Variants in SPAG17 observed in about 807,000 individuals in gnomAD.
The protein encoded by SPAG17 is sperm associated antigen 17.
A neutral mutation model predicts 273.6 loss-of-function variants in SPAG17; 169 were observed. The observed-to-expected ratio is 0.62, with a 90% CI of 0.55 to 0.70. The LOEUF (loss-of-function observed/expected upper bound fraction) is 0.70, where lower values mean the gene tolerates loss of function less well. Among genes scored for constraint, SPAG17 ranks in the 30% least tolerant of loss-of-function variants. The probability of loss-of-function intolerance (pLI) is 0.00; values close to 1 mark genes in which losing one functional copy is unlikely to be tolerated. For missense variants in SPAG17, 2,557 were observed against 2,627.8 expected, an observed-to-expected ratio of 0.97 and a Z score of 0.59; for synonymous variants, 825 against 873.2, an observed-to-expected ratio of 0.94 and a Z score of 0.97.
chr1:118,139,450 T>C (rs1658547535), intron 3 of SPAG17, among the ~76,000 whole-genome samples: 1 of 152,178 alleles, frequency 6.6e-6, no homozygotes, highest in South Asian at 2.1e-4. Context: ...GATCCAGCAA[T>C]CTCACTTCTG....
chr1:118,157,574 C>T (rs1659715884), intron 1 of SPAG17, among the ~76,000 whole-genome samples: 1 of 152,140 alleles, frequency 6.6e-6, no homozygotes, highest in African/African-American at 2.4e-5. Flanking sequence ...CTGGGAGATC[C>T]CTAAGCACCC....
intron 34 of SPAG17, 149 bp downstream of exon 34, chr1:117,996,221 G>T: frequency 2.4e-6 from 2 of 840,016 alleles, no homozygotes; most frequent in Admixed American, 2.6e-5. Flanking sequence ...ACTTATTCAT[G>T]TCAACTTATT....
chr1:118,016,103 T>A lies in SPAG17; in HGVS notation c.4149A>T (p.Val1383=), dbSNP rs761418198. 1 of 1,614,122 alleles carries A rather than the reference T, an allele frequency of 6.2e-7. No homozygotes were observed. Among genetic ancestry groups the A allele is most frequent in the South Asian group, 1.1e-5 (1 of 91,088 alleles). The change falls in exon 29 of 49, where the codon GTA becomes GTT. Residue 1383 remains valine, a synonymous_variant. Coordinates refer to ENST00000336338, the MANE Select transcript of SPAG17 (RefSeq NM_206996.4). The part of the protein sequence containing the change: ...HDPPPEAVQT[V]TPVEVHIGTW... ...TGCCTATGTGAACCTCCACAGGAGT[T>A]ACAGTTTGAACTGCCTCTGGAGGAG...
intron 1 of SPAG17, among the ~76,000 whole-genome samples, chr1:118,174,504 TAGATGCATATGGAAATCCC>T (rs1357942376): frequency 6.6e-6 from 1 of 152,142 alleles, no homozygotes; most frequent in Non-Finnish European, 1.5e-5. Flanking sequence ...GGCAGACCAG[TAGATGCATATGGAAATCCC>T]AGAAAGATAA....
intron 1 of SPAG17, among the ~76,000 whole-genome samples, chr1:118,161,424 T>TA (rs1659903413): frequency 6.6e-6 from 1 of 152,184 alleles, no homozygotes; most frequent in African/African-American, 2.4e-5. Flanking sequence ...GGAGGGAAGA[T>TA]AAAATTGTGG....
At chr1:118,002,281 G>A (rs1300154695) in intron 32 of SPAG17, among the ~76,000 whole-genome samples, 1 of 152,158 alleles carries the variant, frequency 6.6e-6, no homozygotes, top group Non-Finnish European at 1.5e-5. Context: ...ATGTGGTGCT[G>A]AGAAGAATGT....
Position 118,115,239 on chromosome 1 carries a change from C to G in SPAG17, c.447+71G>C, listed in dbSNP as rs534346415. On this transcript the variant is annotated intron_variant, in intron 4 of 48. Transcript: ENST00000336338. ...GTAGGCTTAAGAAGAGAGGAAGTGC[C>G]CCTGGAGAAACCTGGCTCCATTTCA... 1.4e-3 allele frequency: 2,145 copies of G among 1,560,298 alleles called. 31 individuals carry two copies. The highest frequency in any genetic ancestry group is 6.8e-3 in the Middle Eastern group (40 of 5,894).
Position 117,975,304 on chromosome 1 carries a change from CCACAGTCA to C in SPAG17, c.6005-1751_6005-1744del, listed in dbSNP as rs534848366. On this transcript the variant is annotated intron_variant, in intron 43 of 48. Coordinates refer to ENST00000336338, the MANE Select transcript of SPAG17 (RefSeq NM_206996.4). ...GAAGCCAAATGCCCCTGGGCTAGCA[CCACAGTCA>C]CACAGCCACTATTCTGTGGTTTGCT... Among the ~76,000 whole-genome samples, 26 of 152,292 alleles carry C rather than the reference CCACAGTCA, an allele frequency of 1.7e-4. 2 individuals carry two copies. The East Asian group carries it at 5.0e-3, about 29-fold the overall frequency.
intron 43 of SPAG17, 78 bp from the exon 44 acceptor site, chr1:117,973,639 C>A: frequency 7.3e-7 from 1 of 1,374,068 alleles, no homozygotes; most frequent in Non-Finnish European, 9.7e-7. Flanking sequence ...GAATGTATGA[C>A]AACAGAAACC....
At chr1:118,176,320 C>G (rs1660696705) in intron 1 of SPAG17, among the ~76,000 whole-genome samples, 1 of 152,088 alleles carries the variant, frequency 6.6e-6, no homozygotes. Context: ...ATGCTGCCTA[C>G]AGGAAACCCA....
intron 13 of SPAG17, among the ~76,000 whole-genome samples, chr1:118,085,396 T>TA (rs1172234362): frequency 3.3e-5 from 5 of 152,226 alleles, no homozygotes; most frequent in African/African-American, 1.2e-4. Context: ...TCTTTCCAGA[T>TA]AATGTCTCTG....
intron 1 of SPAG17, among the ~76,000 whole-genome samples, chr1:118,161,939 A>G (rs1659946955): frequency 6.6e-6 from 1 of 152,202 alleles, no homozygotes; most frequent in East Asian, 1.9e-4. Context: ...GTCAAAGGCA[A>G]TTAGAAGGTC....
rs565749550 is a variant in SPAG17 at position 118,168,762 on chromosome 1, A to AT, written c.87+16308dup. Among the ~76,000 whole-genome samples, 569 of 152,344 alleles carry AT rather than the reference A, an allele frequency of 3.7e-3. 7 individuals are homozygous for AT. Among genetic ancestry groups the AT allele is most frequent in the Admixed American group, 0.025 (381 of 15,294 alleles). ...TTGAAGTAGTTTAGTGAAAGCAGGG[A>AT]TGTCAGTGAGGGCCCTAATGGTGTG... is the stretch of plus-strand genomic sequence containing the variant. On this transcript the variant is annotated intron_variant, in intron 1 of 48. Coordinates refer to ENST00000336338, the MANE Select transcript of SPAG17 (RefSeq NM_206996.4).
rs1655403955 is a variant in SPAG17 at position 118,091,945 on chromosome 1, G to C, written c.1231C>G (p.Gln411Glu). The change falls in exon 9 of 49, where the codon CAA becomes GAA. Residue 411 changes from glutamine (Q) to glutamate (E), a missense_variant. Physicochemically the swap from Gln to Glu is conservative, Grantham distance 29. Coordinates refer to ENST00000336338, the MANE Select transcript of SPAG17 (RefSeq NM_206996.4). ...GKKKAQYEEP[Q>E]APPPVTSVIT... The stretch of plus-strand genomic sequence containing the variant: ...TCATACATGCCTGGTGGTGGAGCTT[G>C]CGGTTCTTCATACTGTGCTTTCTTC... 6.2e-7 allele frequency: 1 copy of C among 1,613,588 alleles called. No homozygotes were observed. The highest frequency in any genetic ancestry group is 1.1e-5 in the South Asian group (1 of 91,076).
At chr1:118,001,496 G>GAGA (rs1467624299) in intron 32 of SPAG17, among the ~76,000 whole-genome samples, 2 of 152,174 alleles carry the variant, frequency 1.3e-5, no homozygotes, top group African/African-American at 4.8e-5. Flanking sequence ...CTCAATTTCA[G>GAGA]AGCCTGTTAT....
rs192753147 is a variant in SPAG17, at chr1:118,125,094, C to G, written c.316-9653G>C. Among the ~76,000 whole-genome samples the G allele has an allele frequency of 8.5e-5, 13 of 152,230 alleles. No individual in the cohort carries two copies. The East Asian group carries it at 1.5e-3, about 18-fold the overall frequency. ...GATGCCTCAACTCTAAATAGCTGAG[C>G]TGTTTCTTTTTTCCTGAGACCTAGT... On this transcript the variant is annotated intron_variant, in intron 3 of 48. Transcript: ENST00000336338.
At chr1:117,965,458 C>T in intron 47 of SPAG17, 1 of 152,204 alleles carries the variant, frequency 6.6e-6, no homozygotes, top group Admixed American at 6.5e-5. Context: ...ATTACATATA[C>T]ATGATTCATT....
chr1:118,129,695 C>T (rs561637636), intron 3 of SPAG17, among the ~76,000 whole-genome samples: 1 of 151,046 alleles, frequency 6.6e-6, no homozygotes, highest in South Asian at 2.1e-4. Context: ...TCTTCTTCCT[C>T]TTCCCTTCTT....
Position 118,031,828 on chromosome 1 carries a change from G to A in SPAG17, c.3473C>T (p.Pro1158Leu). ...DPDLETILNI[P>L]SALTPTVVPV... ...AACCACTGTTGGAGTGAGTGCTGAA[G>A]GGATATTCAATATTGTTTCTAAATC... The change falls in exon 25 of 49, where the codon CCT becomes CTT. Residue 1158 changes from proline to leucine, a missense_variant. Physicochemically the swap from Pro to Leu is moderately conservative, Grantham distance 98. Coordinates refer to ENST00000336338, the MANE Select transcript of SPAG17 (RefSeq NM_206996.4). The A allele has an allele frequency of 1.2e-6, 2 of 1,611,768 alleles. No individual in the cohort carries two copies. The highest frequency in any genetic ancestry group is 1.3e-5 in the African/African-American group (1 of 74,986).
Sources: allele counts gnomAD v4.1 joint callset (sites outside exome capture counted in the v4.1 genomes callset), GRCh38; gene constraint gnomAD v4.1.1; transcripts MANE v1.5; gene names NCBI Gene and HGNC (gene_info 2026-07-23, HGNC 2026-07-21).